The following NUP62 variants were observed in gnomAD, a reference collection of about 807,000 sequenced individuals.
NUP62 encodes the protein nucleoporin 62, also known as nuclear pore glycoprotein p62.
For synonymous variants in NUP62, 305 were observed against 303.4 expected, an observed-to-expected ratio of 1.01 and a Z score of -0.05; for missense variants, 647 against 689.4, an observed-to-expected ratio of 0.94 and a Z score of 0.69.
chr19:49,920,975 T>C (rs1295991466), intron 2 of NUP62, among the ~76,000 whole-genome samples: 2 of 152,130 alleles, frequency 1.3e-5, no homozygotes, highest in Non-Finnish European at 2.9e-5. Flanking sequence ...ACGGTTGCTA[T>C]GGAGGTTTCT....
In NUP62 at chr19:49,929,447, G is replaced by C. The variant is rs55824593; in HGVS notation, c.-321C>G. On this transcript the variant is annotated 5_prime_UTR_variant, in exon 1 of 3. Coordinates refer to ENST00000352066, the MANE Select transcript of NUP62 (RefSeq NM_016553.5). Reference sequence around the variant, plus strand: ...CTCCAACTGCCTTTCCCGCCCTTTCGCAGCTCGTGGCCCTCTTTAGGGAGC... The same window carrying C: ...CTCCAACTGCCTTTCCCGCCCTTTCCCAGCTCGTGGCCCTCTTTAGGGAGC... The C allele has an allele frequency of 7.2e-5, 11 of 152,732 alleles. No homozygotes were observed. The highest frequency in any genetic ancestry group is 1.3e-4 in the Non-Finnish European group (9 of 68,320). The allele number at this position is 152,732 out of a possible 1,614,324, so 9.5% of individuals were successfully genotyped here.
At chr19:49,914,913 T>A (rs546030873) in intron 2 of NUP62, among the ~76,000 whole-genome samples, 24 of 151,714 alleles carry the variant, frequency 1.6e-4, no homozygotes, top group Non-Finnish European at 2.1e-4. Context: ...CTAATTTTTG[T>A]ATTTTTAGTA....
At chr19:49,919,915 T>C (rs2075723359) in intron 2 of NUP62, among the ~76,000 whole-genome samples, 1 of 152,154 alleles carries the variant, frequency 6.6e-6, no homozygotes, top group Admixed American at 6.5e-5. Flanking sequence ...CCCCTCTACC[T>C]ACTGCATTAA....
chr19:49,926,140 C>T (rs894700302), intron 2 of NUP62, among the ~76,000 whole-genome samples: 5 of 129,052 alleles, frequency 3.9e-5, no homozygotes, highest in Non-Finnish European at 7.8e-5. Context: ...ACCTGGGAGG[C>T]GGTGGTTGCA....
At chr19:49,910,447 C>T (rs1294076121) in intron 2 of NUP62, among the ~76,000 whole-genome samples, 1 of 152,134 alleles carries the variant, frequency 6.6e-6, no homozygotes, top group Non-Finnish European at 1.5e-5. Context: ...GACACTGGAA[C>T]TCCTCCTCCT....
Position 49,909,845 on chromosome 19 carries a change from C to G in NUP62, c.-38G>C. On this transcript the variant is annotated 5_prime_UTR_variant, in exon 3 of 3. Transcript: ENST00000352066. The stretch of plus-strand genomic sequence containing the variant: ...TGGTGGCGGCAGCTACTCTGGCTCC[C>G]AAAGCAAATCCGTCGGTGTCTGCAG... 3 of 1,602,228 alleles carry G rather than the reference C, an allele frequency of 1.9e-6. No individual in the cohort carries two copies. Among genetic ancestry groups the G allele is most frequent in the Non-Finnish European group, 2.6e-6 (3 of 1,170,396 alleles).
At chr19:49,915,443 AAAG>A (rs1375298324) in intron 2 of NUP62, among the ~76,000 whole-genome samples, 4 of 152,306 alleles carry the variant, frequency 2.6e-5, no homozygotes, top group African/African-American at 7.2e-5. Flanking sequence ...CTCTAGAGCT[AAAG>A]AAGGACATAG....
At chr19:49,917,010 G>C (rs1027238926) in intron 2 of NUP62, among the ~76,000 whole-genome samples, 8 of 152,276 alleles carry the variant, frequency 5.3e-5, no homozygotes, top group Admixed American at 5.2e-4. Context: ...ACAACGCAGA[G>C]CCCAGATGCA....
Position 49,908,770 on chromosome 19 carries a change from G to T in NUP62, c.1038C>A (p.Asp346Glu). The change falls in exon 3 of 3, where the codon GAC (aspartate) becomes GAA (glutamate). Residue 346 changes from aspartate (D) to glutamate (E), a missense_variant. Coordinates refer to ENST00000352066, the MANE Select transcript of NUP62 (RefSeq NM_016553.5). ...LINKWSLELE[D>E]QERHFLQQAT... is the part of the protein sequence containing the mutation. ...CCTGCTGGAGGAAGTGCCGCTCCTG[G>T]TCCTCTAGCTCCAGGCTCCATTTGT... The T allele has an allele frequency of 6.2e-7, 1 of 1,613,732 alleles. No homozygotes were observed.
intron 2 of NUP62, among the ~76,000 whole-genome samples, chr19:49,919,718 G>T (rs1484550698): frequency 6.6e-6 from 1 of 152,112 alleles, no homozygotes; most frequent in Non-Finnish European, 1.5e-5. Flanking sequence ...CAGGAAAAAC[G>T]AATCAGCTAA....
rs545361384 is a variant in NUP62, at chr19:49,911,810, G to A, written c.-77-1926C>T. Among the ~76,000 whole-genome samples, 3 of 152,328 alleles carry A rather than the reference G, an allele frequency of 2.0e-5. No individual in the cohort carries two copies. In the East Asian group the frequency reaches 5.8e-4, roughly 29 times the overall value. ...GCTGTGGCCCTGGCATTTTCATAAA[G>A]CTTTCCTGGGGGATTCTGAGAAAGG... is the stretch of plus-strand genomic sequence containing the variant. On this transcript the variant is annotated intron_variant, in intron 2 of 2. Coordinates refer to ENST00000352066, the MANE Select transcript of NUP62 (RefSeq NM_016553.5).
rs755193820 is a variant in NUP62 at position 49,927,324 on chromosome 19, C to A, written c.-78+370G>T. 4.7e-4 allele frequency among the ~76,000 whole-genome samples: 71 copies of A among 152,192 alleles called. 1 individual carries two copies. Among genetic ancestry groups the A allele is most frequent in the Middle Eastern group, 3.4e-3 (1 of 294 alleles). On this transcript the variant is annotated intron_variant, in intron 2 of 2. Transcript: ENST00000352066. ...GCCAGGTATGTATAAAATTTGGCTTCCTGGGGCCACATTGAAGAATTGTCT... is the reference window on the plus strand; with the variant it reads ...GCCAGGTATGTATAAAATTTGGCTTACTGGGGCCACATTGAAGAATTGTCT...
intron 2 of NUP62, among the ~76,000 whole-genome samples, chr19:49,927,366 T>TA (rs1177625111): frequency 6.6e-6 from 1 of 152,062 alleles, no homozygotes; most frequent in Non-Finnish European, 1.5e-5. Context: ...ACACATAACA[T>TA]ACACTATTGA....
chr19:49,925,959 C>G (rs1189208463), intron 2 of NUP62, among the ~76,000 whole-genome samples: 1 of 151,946 alleles, frequency 6.6e-6, no homozygotes, highest in African/African-American at 2.4e-5. Flanking sequence ...ACCTGTAATC[C>G]CAGCACTTTG....
At chr19:49,911,146 C>T (rs1479622735) in intron 2 of NUP62, 2 of 152,244 alleles carry the variant, frequency 1.3e-5, no homozygotes, top group African/African-American at 4.8e-5. Flanking sequence ...AAGCGATCCT[C>T]CCTCTTTGTC....
At position 49,909,085 on chromosome 19, in the gene NUP62, G is replaced by A; in HGVS notation, c.723C>T (p.Thr241=). The A allele has an allele frequency of 6.2e-7, 1 of 1,612,612 alleles. No individual in the cohort carries two copies. The highest frequency in any genetic ancestry group is 8.5e-7 in the Non-Finnish European group (1 of 1,180,030). Reference sequence around the variant, plus strand: ...TGGGGGCGCCCGCTGTGGTCACAGGGGTACAGAGGGAGAGTCCAGTGGTGG... The same window carrying A: ...TGGGGGCGCCCGCTGTGGTCACAGGAGTACAGAGGGAGAGTCCAGTGGTGG... ...SSATTGLSLC[T]PVTTAGAPTA... is the part of the protein sequence containing the mutation. The change falls in exon 3 of 3, where the codon ACC becomes ACT. Residue 241 remains threonine (T), a synonymous_variant. Coordinates refer to ENST00000352066, the MANE Select transcript of NUP62 (RefSeq NM_016553.5).
Position 49,917,626 on chromosome 19 carries a change from G to A in NUP62, c.-77-7742C>T, listed in dbSNP as rs116758389. ...GACTCACCGAGACTCTGTGTGGGAGGAGTGAGGAGACTGTTGCAGTCGCCT... is the reference window on the plus strand; with the variant it reads ...GACTCACCGAGACTCTGTGTGGGAGAAGTGAGGAGACTGTTGCAGTCGCCT... On this transcript the variant is annotated intron_variant, in intron 2 of 2. Coordinates refer to ENST00000352066, the MANE Select transcript of NUP62 (RefSeq NM_016553.5). 812 of 152,598 alleles carry A rather than the reference G, an allele frequency of 5.3e-3. 4 individuals are homozygous for A. Among genetic ancestry groups the A allele is most frequent in the African/African-American group, 0.019 (781 of 41,552 alleles). 9.5% of individuals were successfully genotyped at this position (152,598 alleles called of 1,614,324 possible).
chr19:49,916,319 C>T (rs1028885735), intron 2 of NUP62, among the ~76,000 whole-genome samples: 4 of 149,432 alleles, frequency 2.7e-5, no homozygotes, highest in African/African-American at 4.9e-5. Context: ...GTCAGGAGTT[C>T]GAGACTAGCC....
At chr19:49,916,771 A>G (rs2075635228) in intron 2 of NUP62, among the ~76,000 whole-genome samples, 1 of 152,040 alleles carries the variant, frequency 6.6e-6, no homozygotes, top group Non-Finnish European at 1.5e-5. Context: ...CTCAAAAACA[A>G]AAAAACAAAA....
Sources: gnomAD v4.1 joint callset for allele counts (sites outside exome capture counted in the v4.1 genomes callset) on GRCh38, gnomAD v4.1.1 for gene constraint, MANE v1.5 for transcripts, NCBI Gene and HGNC (gene_info 2026-07-23, HGNC 2026-07-21) for gene names.